Variants in MYBBP1A observed in about 807,000 individuals in gnomAD.
MYBBP1A encodes the protein myb-binding protein 1A.
Under a neutral mutation model 136.3 loss-of-function variants are expected in MYBBP1A, and 147 were observed. That is an observed-to-expected ratio of 1.08 (90% CI 0.94 to 1.24). The LOEUF (loss-of-function observed/expected upper bound fraction) is 1.24. MYBBP1A is among the 50% of genes most tolerant of loss of function. The pLI, the probability that MYBBP1A is intolerant of heterozygous loss-of-function variation, is 0.00. For synonymous variants in MYBBP1A, 947 were observed against 735.8 expected, an observed-to-expected ratio of 1.29 and a Z score of -4.65; for missense variants, 2,060 against 1,727.4, an observed-to-expected ratio of 1.19 and a Z score of -3.41.
Position 4,554,755 on chromosome 17 carries a change from T to C in MYBBP1A, c.294+106A>G, listed in dbSNP as rs1183947568. 5 of 1,093,460 alleles carry C rather than the reference T, an allele frequency of 4.6e-6. No homozygotes were observed. The African/African-American group carries it at 4.6e-5, about 10-fold the overall frequency. The allele number at this position is 1,093,460 out of a possible 1,614,324, so 67.7% of individuals were successfully genotyped here. On this transcript the variant is annotated intron_variant, in intron 2 of 25. Coordinates refer to ENST00000254718, the MANE Select transcript of MYBBP1A (RefSeq NM_014520.4). ...AGTCTGCTCTGCCACTCCCGACCTC[T>C]CTCTCGGGCTGCCCCTCCGCCACAG...
In MYBBP1A at chr17:4,555,220, G is replaced by T. The variant is rs117128211; in HGVS notation, c.105C>A (p.Phe35Leu). The T allele has an allele frequency of 0.027, 43,878 of 1,611,884 alleles. 714 individuals carry two copies. The highest frequency in any genetic ancestry group is 0.031 in the Non-Finnish European group (36,574 of 1,179,416). The change falls in exon 1 of 26, where the codon TTC becomes TTA. Residue 35 changes from phenylalanine (F) to leucine (L), a missense_variant. Transcript: ENST00000254718. ...RYGLLKHSREFLDFFWDIAKP... is the reference protein window; with the variant it reads ...RYGLLKHSRELLDFFWDIAKP... ...TCGCAATGTCCCAGAAGAAGTCCAA[G>T]AACTCGCGACTGTGCTTCAATAGGC...
At chr17:4,547,003 C>T (rs528955585) in intron 13 of MYBBP1A, among the ~76,000 whole-genome samples, 2 of 152,008 alleles carry the variant, frequency 1.3e-5, no homozygotes, top group South Asian at 4.1e-4. Context: ...CCTCCGCCTC[C>T]CAGGTTTAAG....
In MYBBP1A at chr17:4,541,551, A is replaced by C. The variant is rs574284698; in HGVS notation, c.3209T>G (p.Leu1070Arg). 9.3e-6 allele frequency: 15 copies of C among 1,612,368 alleles called. No homozygotes were observed. Among genetic ancestry groups the C allele is most frequent in the Admixed American group, 1.7e-5 (1 of 59,994 alleles). Residue 1070 changes from leucine (L) to arginine (R), a missense_variant, in exon 24 of 26, where the codon CTG becomes CGG. By Grantham distance (102) the Leu-to-Arg change is moderately radical. Transcript: ENST00000254718. ...LAKVTENLRV[L>R]GEAQTKAQHQ... is the part of the protein sequence containing the mutation. ...CTGCGCCTTGGTCTGCGCCTCCCCC[A>C]GCACGCGCAAGTTCTAGGGAAGGGT... is the stretch of plus-strand genomic sequence containing the variant.
rs1470347637 is a variant in MYBBP1A, at chr17:4,552,164, A to AC, written c.865dup (p.Val289GlyfsTer53). 2 of 1,614,044 alleles carry AC rather than the reference A, an allele frequency of 1.2e-6. No homozygotes were observed. The highest frequency in any genetic ancestry group is 1.7e-6 in the Non-Finnish European group (2 of 1,180,034). ...CTGCATCTTCAGCAGCCCTTGTTCC[A>AC]CCACCTCCTTCCAGAACCGTGGGAA... On this transcript the variant is annotated frameshift_variant, in exon 7 of 26. Transcript: ENST00000254718. LOFTEE classifies it high-confidence loss of function. The surrounding 1 kb of genome is among the most constrained non-coding windows in gnomAD (Gnocchi z 4.7).
chr17:4,542,485 G>A lies in MYBBP1A; in HGVS notation c.3066C>T (p.Gly1022=). The A allele has an allele frequency of 6.2e-7, 1 of 1,611,272 alleles. No homozygotes were observed. Among genetic ancestry groups the A allele is most frequent in the South Asian group, 1.1e-5 (1 of 90,858 alleles). Residue 1022 remains glycine, a synonymous_variant, in exon 22 of 26, where the codon GGC becomes GGT. Transcript: ENST00000254718. The part of the protein sequence containing the change: ...LLPILVQHIT[G]PVRPRHQACL... ...TCACCTGATGACGGGGCCGCACCGG[G>A]CCCGTGATATGCTGGACCAGGATGG...
chr17:4,546,178 G>A (rs1906997276), intron 13 of MYBBP1A, among the ~76,000 whole-genome samples: 1 of 152,226 alleles, frequency 6.6e-6, no homozygotes, highest in Non-Finnish European at 1.5e-5. Context: ...GAGTACAGTG[G>A]TCTGATCTCG....
Position 4,539,673 on chromosome 17 carries a change from G to GC in MYBBP1A, c.3728dup (p.Ser1243ArgfsTer102), listed in dbSNP as rs780037037. 6.2e-7 allele frequency: 1 copy of GC among 1,610,178 alleles called. No individual in the cohort carries two copies. Among genetic ancestry groups the GC allele is most frequent in the Non-Finnish European group, 8.5e-7 (1 of 1,177,358 alleles). On this transcript the variant is annotated frameshift_variant, in exon 26 of 26. Coordinates refer to ENST00000254718, the MANE Select transcript of MYBBP1A (RefSeq NM_014520.4). LOFTEE classifies it low-confidence loss of function (END_TRUNC). ...GCAGTTTTGGGGATTTGGCAGGGGT[G>GC]CTGGGGCTCCGGGTGGGGGCGCCAG...
At position 4,554,974 on chromosome 17, in the gene MYBBP1A, C is replaced by A. The variant is rs547346371; in HGVS notation, c.199-18G>T. On this transcript the variant is annotated intron_variant, in intron 1 of 25. Coordinates refer to ENST00000254718, the MANE Select transcript of MYBBP1A (RefSeq NM_014520.4). ...TCGGACCCCTGCGGAACCAAGCACA[C>A]CCTCGTGTTCAATGGTGACAACAAG... 28 of 1,612,926 alleles carry A rather than the reference C, an allele frequency of 1.7e-5. No homozygotes were observed. The highest frequency in any genetic ancestry group is 2.2e-5 in the South Asian group (2 of 91,036).
rs765219101 is a variant in MYBBP1A at position 4,545,613 on chromosome 17, C to T, written c.2070G>A (p.Leu690=). 22 of 1,582,168 alleles carry T rather than the reference C, an allele frequency of 1.4e-5. No individual in the cohort carries two copies. The South Asian group carries it at 2.4e-4, about 17-fold the overall frequency. The change falls in exon 15 of 26, where the codon CTG becomes CTA. Residue 690 remains leucine, a synonymous_variant. Transcript: ENST00000254718. ...ACTCCCAAAGGTCCCAACTCACATC[C>T]AGAATTAGCTGCAGGGCACGCGGGG... ...HLTPRALQLI[L]DVLNPETSED... is the part of the protein sequence containing the mutation.
At position 4,540,421 on chromosome 17, in the gene MYBBP1A, G is replaced by A; in HGVS notation, c.3361C>T (p.Gln1121Ter). Residue 1121 changes from glutamine (Q) to a stop codon, truncating the protein, a stop_gained, in exon 25 of 26, where the codon CAG (glutamine) becomes TAG (stop). Transcript: ENST00000254718. LOFTEE classifies it high-confidence loss of function. The stretch of plus-strand genomic sequence containing the variant: ...CTGGAGCCGGTGGAGTGTGCCCCCT[G>A]CTGTAGGCTCTGCTGTTGCCCCTGC... ...VLQGQQQSLQ[Q>*]GAHSTGSSRL... is the part of the protein sequence containing the mutation. The A allele has an allele frequency of 6.2e-7, 1 of 1,611,056 alleles. No homozygotes were observed. Among genetic ancestry groups the A allele is most frequent in the Non-Finnish European group, 8.5e-7 (1 of 1,179,772 alleles).
At position 4,545,107 on chromosome 17, in the gene MYBBP1A, G is replaced by C; in HGVS notation, c.2229C>G (p.Ser743Arg). The C allele has an allele frequency of 1.9e-6, 3 of 1,603,834 alleles. No individual in the cohort carries two copies. Among genetic ancestry groups the C allele is most frequent in the Non-Finnish European group, 2.6e-6 (3 of 1,175,806 alleles). The stretch of plus-strand genomic sequence containing the variant: ...CGTCCCCGTCGCGCTCCTCCTCCTC[G>C]CTCTCCTCCCCCTCGCTCTCCTCTT... ...ESEEESEGEESEEEERDGDVD... is the reference protein window; with the variant it reads ...ESEEESEGEEREEEERDGDVD... The change falls in exon 17 of 26, where the codon AGC becomes AGG. Residue 743 changes from serine to arginine, a missense_variant. Physicochemically the swap from Ser to Arg is moderately radical, Grantham distance 110. Transcript: ENST00000254718.
intron 13 of MYBBP1A, among the ~76,000 whole-genome samples, chr17:4,547,174 C>T (rs530733218): frequency 1.3e-5 from 2 of 152,158 alleles, no homozygotes; most frequent in African/African-American, 4.8e-5. Context: ...TCCGGAAGTA[C>T]TGGGATTACA....
chr17:4,540,226 G>A (rs1478093189), intron 25 of MYBBP1A, 122 bp downstream of exon 25: 1 of 1,359,066 alleles, frequency 7.4e-7, no homozygotes, highest in Non-Finnish European at 9.9e-7. Flanking sequence ...GCATGTGTGT[G>A]CAGCAGCATG....
chr17:4,548,870 G>A lies in MYBBP1A; in HGVS notation c.1431-221C>T, dbSNP rs1001571665. 6.6e-6 allele frequency among the ~76,000 whole-genome samples: 1 copy of A among 152,238 alleles called. No individual in the cohort carries two copies. Among genetic ancestry groups the A allele is most frequent in the African/African-American group, 2.4e-5 (1 of 41,466 alleles). ...CTCTGCTCTGGATCCCCAGCTGAAC[G>A]CGGGTTAACCCGAGCTAGAGAGAGT... On this transcript the variant is annotated intron_variant, in intron 10 of 25. Coordinates refer to ENST00000254718, the MANE Select transcript of MYBBP1A (RefSeq NM_014520.4). This position sits in a 1 kb window ranked among gnomAD's most constrained non-coding sequence, Gnocchi z 4.2.
In MYBBP1A at chr17:4,543,018, G is replaced by A. The variant is rs1251179269; in HGVS notation, c.2787C>T (p.Tyr929=). The A allele has an allele frequency of 1.2e-6, 2 of 1,613,846 alleles. No homozygotes were observed. The highest frequency in any genetic ancestry group is 1.1e-5 in the South Asian group (1 of 91,096). The change falls in exon 20 of 26, where the codon TAC becomes TAT. Residue 929 remains tyrosine, a synonymous_variant. Coordinates refer to ENST00000254718, the MANE Select transcript of MYBBP1A (RefSeq NM_014520.4). ...TGTTGCCCTTCAAGACCCGGAGCAG[G>A]TAGAGAGAGGCGTTGAAGTGGTAGA... is the stretch of plus-strand genomic sequence containing the variant. The part of the protein sequence containing the change: ...TALYHFNASL[Y]LLRVLKGNTA...
chr17:4,555,309 G>C lies in MYBBP1A; in HGVS notation c.16C>G (p.Pro6Ala), dbSNP rs751266835. The C allele has an allele frequency of 6.3e-7, 1 of 1,599,436 alleles. No individual in the cohort carries two copies. The highest frequency in any genetic ancestry group is 8.5e-7 in the Non-Finnish European group (1 of 1,174,200). Reference protein sequence around the residue: MESRDPAQPMSPGEAT... With the variant: MESRDAAQPMSPGEAT... ...TCTCCAGGCGACATCGGCTGGGCGG[G>C]ATCCCGGCTCTCCATCTCCGCCACA... is the stretch of plus-strand genomic sequence containing the variant. Residue 6 changes from proline (P) to alanine (A), a missense_variant, in exon 1 of 26, where the codon CCC becomes GCC. Transcript: ENST00000254718.
intron 8 of MYBBP1A, 83 bp from the exon 9 acceptor site, chr17:4,550,436 G>A (rs894800547): frequency 6.7e-7 from 1 of 1,493,246 alleles, no homozygotes; most frequent in Non-Finnish European, 9.0e-7. Flanking sequence ...GGGCAGGCGG[G>A]CAACAGCCCA....
At position 4,546,810 on chromosome 17, in the gene MYBBP1A, G is replaced by A. The variant is rs117791733; in HGVS notation, c.1825-868C>T. ...TCATAATGCAGTCGGCAGCTTGAAC[G>A]TTTAGGCCAGGGTGGGACAAAGCAG... On this transcript the variant is annotated intron_variant, in intron 13 of 25. Transcript: ENST00000254718. Among the ~76,000 whole-genome samples the A allele has an allele frequency of 1.8e-3, 280 of 152,136 alleles. 5 individuals are homozygous for A. In the East Asian group the frequency reaches 0.04, roughly 22 times the overall value.
rs750505251 is a variant in MYBBP1A at position 4,544,723 on chromosome 17, G to A, written c.2481+28C>T. On this transcript the variant is annotated intron_variant, in intron 18 of 25. Coordinates refer to ENST00000254718, the MANE Select transcript of MYBBP1A (RefSeq NM_014520.4). ...GGGGGTGGGCGCACAGGGAGGCGGG[G>A]GTGGGTGCGGCCCGCCCCCAGGCTC... 212 of 1,514,666 alleles carry A rather than the reference G, an allele frequency of 1.4e-4. 5 individuals carry two copies. In the South Asian group the frequency reaches 2.5e-3, roughly 18 times the overall value. 93.8% of individuals were successfully genotyped at this position (1,514,666 alleles called of 1,614,324 possible).
Sources: allele counts gnomAD v4.1 joint callset (sites outside exome capture counted in the v4.1 genomes callset), GRCh38; gene constraint gnomAD v4.1.1; non-coding constraint Gnocchi (gnomAD v3.1); transcripts MANE v1.5; gene names NCBI Gene and HGNC (gene_info 2026-07-23, HGNC 2026-07-21).